EVC2: variants seen among roughly 807,000 people sequenced by gnomAD.
The protein encoded by EVC2 is EvC ciliary complex subunit 2, also known as limbin.
In EVC2, 148 loss-of-function variants were observed where a neutral mutation model predicts 149.3. The observed-to-expected ratio is 0.99, with a 90% CI of 0.87 to 1.14. The LOEUF (loss-of-function observed/expected upper bound fraction) is 1.14, where lower values mean the gene tolerates loss of function less well. Ranked by LOEUF, EVC2 falls within the 50% of genes most tolerant of loss-of-function variation. The probability of loss-of-function intolerance (pLI) is 0.00; values close to 1 mark genes in which losing one functional copy is unlikely to be tolerated. For missense variants in EVC2, 1,854 were observed against 1,627.3 expected (o/e 1.14, Z -2.40); for synonymous variants, 776 against 649.9 (o/e 1.19, Z -2.95).
intron 16 of EVC2, among the ~76,000 whole-genome samples, chr4:5,612,241 C>T (rs1714879226): frequency 1.3e-5 from 2 of 152,178 alleles, no homozygotes; most frequent in African/African-American, 4.8e-5. Flanking sequence ...TTAGCTTTAG[C>T]GTGCTGACCC....
At chr4:5,565,223 C>A (rs562507672) in intron 21 of EVC2, 35 bp downstream of exon 21, 13 of 1,605,788 alleles carry the variant, frequency 8.1e-6, no homozygotes, top group Middle Eastern at 1.7e-4. Context: ...TAGCTCACCC[C>A]CTCCCCAGCC....
intron 6 of EVC2, among the ~76,000 whole-genome samples, chr4:5,683,069 TG>T (rs1344234216): frequency 6.6e-6 from 1 of 152,218 alleles, no homozygotes; most frequent in Non-Finnish European, 1.5e-5. Flanking sequence ...AAATCCACTG[TG>T]GGCCAGCAGG....
At position 5,576,003 on chromosome 4, in the gene EVC2, A is replaced by G. The variant is rs1722899870; in HGVS notation, c.3272+237T>C. ...CTTGTGAGTCTATATTTCAAAATAA[A>G]AAGTTTAAAAATATTACGTTTGGTA... On this transcript the variant is annotated intron_variant, in intron 18 of 21. Transcript: ENST00000344408. The surrounding 1 kb of genome is among the most constrained non-coding windows in gnomAD (Gnocchi z 4.5). Among the ~76,000 whole-genome samples, 1 of 152,232 alleles carries G rather than the reference A, an allele frequency of 6.6e-6. No individual in the cohort carries two copies. The highest frequency in any genetic ancestry group is 2.4e-5 in the African/African-American group (1 of 41,466).
chr4:5,547,888 G>A (rs1721651557), intron 21 of EVC2, among the ~76,000 whole-genome samples: 1 of 152,202 alleles, frequency 6.6e-6, no homozygotes, highest in African/African-American at 2.4e-5. Flanking sequence ...CCTGAGCCAA[G>A]GCTGTGACTT....
intron 8 of EVC2, among the ~76,000 whole-genome samples, chr4:5,664,459 G>C (rs1033039095): frequency 2.0e-5 from 3 of 152,192 alleles, no homozygotes; most frequent in African/African-American, 7.2e-5. Flanking sequence ...TCTGGAAAAT[G>C]AATCCTGCTC....
intron 13 of EVC2, among the ~76,000 whole-genome samples, chr4:5,623,628 T>C (rs1715896466): frequency 1.3e-5 from 2 of 152,130 alleles, no homozygotes; most frequent in Non-Finnish European, 1.5e-5. Context: ...CTGTGAACCA[T>C]TGTGCCAGGT....
chr4:5,695,101 G>C (rs1381748781), intron 2 of EVC2, among the ~76,000 whole-genome samples: 1 of 152,084 alleles, frequency 6.6e-6, no homozygotes, highest in Admixed American at 6.5e-5. Context: ...TGTAATCCTA[G>C]CACTTTGGGA....
chr4:5,650,636 TATAGAG>T (rs1184903907), intron 9 of EVC2, among the ~76,000 whole-genome samples: 559 of 55,408 alleles, frequency 0.01, no homozygotes, highest in East Asian at 0.013. Context: ...TATATATATA[TATAGAG>T]AGAGAGAGAG....
At chr4:5,682,624 C>T (rs922774645) in intron 6 of EVC2, among the ~76,000 whole-genome samples, 1 of 151,580 alleles carries the variant, frequency 6.6e-6, no homozygotes, top group Non-Finnish European at 1.5e-5. Flanking sequence ...TTTGGGAGGC[C>T]GAGGCGGGTG....
chr4:5,536,045 A>G, the EVC2 span, among the ~76,000 whole-genome samples: 59,279 of 151,352 alleles, frequency 0.39, 13,150 homozygotes, highest in East Asian at 0.93. Flanking sequence ...ATCTGCTTGG[A>G]TTCCTGTGCT....
intron 5 of EVC2, among the ~76,000 whole-genome samples, chr4:5,687,322 C>T (rs752310442): frequency 1.3e-5 from 2 of 152,094 alleles, no homozygotes; most frequent in African/African-American, 2.4e-5. Context: ...ACCAGGAGCC[C>T]GGGAGCACTT....
At chr4:5,544,218 G>T (rs1017766285) in intron 21 of EVC2, among the ~76,000 whole-genome samples, 6 of 151,480 alleles carry the variant, frequency 4.0e-5, no homozygotes, top group African/African-American at 1.5e-4. Context: ...CAAAATGAAT[G>T]TTGGCTAGAA....
chr4:5,557,390 C>G (rs1306027632), intron 21 of EVC2, among the ~76,000 whole-genome samples: 2 of 152,100 alleles, frequency 1.3e-5, no homozygotes, highest in African/African-American at 4.8e-5. Context: ...TCTCAGCACA[C>G]TATAGAGAGG....
intron 3 of EVC2, 152 bp from the exon 4 acceptor site, chr4:5,691,485 GC>G: frequency 1.5e-6 from 1 of 666,560 alleles, no homozygotes. Flanking sequence ...TTTTAAAAGA[GC>G]ATTAAAGGAT....
intron 12 of EVC2, among the ~76,000 whole-genome samples, chr4:5,628,034 G>T (rs1472151196): frequency 6.6e-6 from 1 of 152,074 alleles, no homozygotes; most frequent in African/African-American, 2.4e-5. Flanking sequence ...CTAGACTATT[G>T]CATATGCTTT....
chr4:5,563,175 C>CAT, intron 21 of EVC2, 60 bp from the exon 22 acceptor site: 3 of 1,530,240 alleles, frequency 2.0e-6, no homozygotes, highest in Non-Finnish European at 2.7e-6. Context: ...CTGGAGTGTT[C>CAT]TGAGTTCTCC....
intron 10 of EVC2, among the ~76,000 whole-genome samples, chr4:5,632,751 C>T (rs1716641408): frequency 6.6e-6 from 1 of 152,094 alleles, no homozygotes; most frequent in South Asian, 2.1e-4. Context: ...AGGAAGCTCA[C>T]CTCTACTGAG....
upstream of EVC2, chr4:5,708,899 A>G (rs993442226): frequency 4.0e-4 from 72 of 180,200 alleles, no homozygotes; most frequent in African/African-American, 1.4e-3. Flanking sequence ...ATGTGAATCC[A>G]GAGTTTCCCC....
At chr4:5,698,997 G>A (rs1407615244) in intron 1 of EVC2, among the ~76,000 whole-genome samples, 3 of 152,210 alleles carry the variant, frequency 2.0e-5, no homozygotes, top group Non-Finnish European at 4.4e-5. Flanking sequence ...GCCACTGTCT[G>A]TGTGTTTCAG....
Sources: gnomAD v4.1 joint callset for allele counts (sites outside exome capture counted in the v4.1 genomes callset) on GRCh38, gnomAD v4.1.1 for gene constraint, Gnocchi (gnomAD v3.1) non-coding constraint, MANE v1.5 for transcripts, NCBI Gene and HGNC (gene_info 2026-07-23, HGNC 2026-07-21) for gene names.